MVB12B: variants seen among roughly 807,000 people sequenced by gnomAD.
MVB12B encodes the protein ESCRT-I complex subunit MVB12B.
A neutral mutation model predicts 41.6 loss-of-function variants in MVB12B; 16 were observed. The ratio of observed to expected loss-of-function variants is 0.38; its 90% confidence interval spans 0.26 to 0.58. The LOEUF (loss-of-function observed/expected upper bound fraction) is 0.58, where lower values mean the gene tolerates loss of function less well. Ranked by LOEUF, MVB12B falls within the 20% of genes least tolerant of loss-of-function variation. The pLI is 0.62. For synonymous variants in MVB12B, 133 were observed against 139.7 expected (o/e 0.95, Z 0.34); for missense variants, 274 against 380.2 (o/e 0.72, Z 2.32).
intron 2 of MVB12B, among the ~76,000 whole-genome samples, chr9:126,342,500 A>G (rs1387111998): frequency 6.6e-6 from 1 of 152,194 alleles, no homozygotes; most frequent in African/African-American, 2.4e-5. Context: ...GTGTCAAATG[A>G]GTAAAATTAA....
intron 7 of MVB12B, among the ~76,000 whole-genome samples, chr9:126,437,504 A>G (rs1289997499): frequency 3.3e-5 from 5 of 152,324 alleles, no homozygotes; most frequent in Non-Finnish European, 2.9e-5. Flanking sequence ...TAATACCCCC[A>G]TAATATTATA....
At chr9:126,446,363 A>G (rs1456229497) in intron 7 of MVB12B, among the ~76,000 whole-genome samples, 1 of 151,960 alleles carries the variant, frequency 6.6e-6, no homozygotes, top group Non-Finnish European at 1.5e-5. Flanking sequence ...AGCCACTGCT[A>G]TTTAAGTTAG....
At chr9:126,456,137 C>T (rs1832981498) in intron 7 of MVB12B, among the ~76,000 whole-genome samples, 1 of 152,040 alleles carries the variant, frequency 6.6e-6, no homozygotes, top group South Asian at 2.1e-4. Flanking sequence ...GTGATCCGCC[C>T]ACCTTGGCCT....
At chr9:126,438,301 A>G (rs752336300) in intron 7 of MVB12B, among the ~76,000 whole-genome samples, 4 of 152,202 alleles carry the variant, frequency 2.6e-5, no homozygotes, top group Non-Finnish European at 5.9e-5. Flanking sequence ...TTCTATTAAC[A>G]GAGGTGTCAC....
intron 8 of MVB12B, among the ~76,000 whole-genome samples, chr9:126,483,598 C>G (rs1833572065): frequency 6.6e-6 from 1 of 152,180 alleles, no homozygotes; most frequent in African/African-American, 2.4e-5. Flanking sequence ...CGGTTTATAG[C>G]TGCAGCGAGA....
At chr9:126,348,576 A>G (rs928115328) in intron 2 of MVB12B, among the ~76,000 whole-genome samples, 18 of 152,198 alleles carry the variant, frequency 1.2e-4, no homozygotes, top group African/African-American at 4.3e-4. Context: ...TAGTTGATTC[A>G]TTTGGAAAGT....
chr9:126,330,330 C>T (rs572780737), intron 1 of MVB12B, among the ~76,000 whole-genome samples: 2 of 150,420 alleles, frequency 1.3e-5, no homozygotes, highest in African/African-American at 2.5e-5. Context: ...CACACATACA[C>T]ACACACTTAA....
At chr9:126,352,150 G>GA (rs1324119711) in intron 2 of MVB12B, among the ~76,000 whole-genome samples, 1 of 151,904 alleles carries the variant, frequency 6.6e-6, no homozygotes, top group Non-Finnish European at 1.5e-5. Context: ...GAAAAAGAAA[G>GA]AAAAAAATGT....
intron 7 of MVB12B, among the ~76,000 whole-genome samples, chr9:126,474,773 G>C (rs913539314): frequency 3.9e-5 from 6 of 152,188 alleles, no homozygotes; most frequent in African/African-American, 1.4e-4. Flanking sequence ...AACAGAAATG[G>C]ACAGGATTGT....
chr9:126,353,588 G>C (rs970320400), intron 2 of MVB12B, among the ~76,000 whole-genome samples: 1 of 152,222 alleles, frequency 6.6e-6, no homozygotes, highest in African/African-American at 2.4e-5. Context: ...GTGACTGGCA[G>C]TAGCGTGAGT....
At chr9:126,484,173 G>T in intron 9 of MVB12B, 141 bp downstream of exon 9, 2 of 705,940 alleles carry the variant, frequency 2.8e-6, no homozygotes, top group African/African-American at 3.6e-5. Context: ...AAACACTTTC[G>T]TTGCACCCAA....
intron 7 of MVB12B, among the ~76,000 whole-genome samples, chr9:126,445,796 CTGT>C (rs1204672679): frequency 6.6e-6 from 1 of 152,036 alleles, no homozygotes; most frequent in Non-Finnish European, 1.5e-5. Flanking sequence ...CCACCTGGCC[CTGT>C]TGTTTTTTTT....
intron 7 of MVB12B, among the ~76,000 whole-genome samples, chr9:126,452,078 C>T (rs1280740388): frequency 1.3e-5 from 2 of 152,226 alleles, no homozygotes; most frequent in Non-Finnish European, 2.9e-5. Flanking sequence ...GGCAGGGGAT[C>T]CTTGTGTCAG....
chr9:126,438,779 A>G (rs1264768413), intron 7 of MVB12B, among the ~76,000 whole-genome samples: 1 of 152,238 alleles, frequency 6.6e-6, no homozygotes, highest in Non-Finnish European at 1.5e-5. Flanking sequence ...TATTTTAAAT[A>G]TAGCAGTAAA....
intron 7 of MVB12B, among the ~76,000 whole-genome samples, chr9:126,456,851 T>G (rs1832994057): frequency 1.2e-5 from 1 of 80,682 alleles, no homozygotes; most frequent in African/African-American, 4.7e-5. Context: ...GCGCCCCTGT[T>G]TAACTTCAGT....
At chr9:126,345,945 C>A (rs911542563) in intron 2 of MVB12B, among the ~76,000 whole-genome samples, 4 of 152,156 alleles carry the variant, frequency 2.6e-5, no homozygotes, top group African/African-American at 9.7e-5. Flanking sequence ...GTTTATTGGC[C>A]ACTTAGCTAT....
intron 8 of MVB12B, among the ~76,000 whole-genome samples, chr9:126,481,902 T>C (rs983523051): frequency 3.3e-5 from 5 of 152,246 alleles, no homozygotes; most frequent in Non-Finnish European, 7.3e-5. Context: ...GTTTTCCCAT[T>C]GTCATAGCTG....
At position 126,340,285 on chromosome 9, in the gene MVB12B, T is replaced by C. The variant is rs1399368362; in HGVS notation, c.82-223T>C. On this transcript the variant is annotated intron_variant, in intron 1 of 9. Transcript: ENST00000361171. This position sits in a 1 kb window ranked among gnomAD's most constrained non-coding sequence, Gnocchi z 4.0. Reference sequence around the variant, plus strand: ...CTGAGAGTAGAGACAAGCTCTCATCTTAGCTCAGTGTTCAAAGCTAACCTG... The same window carrying C: ...CTGAGAGTAGAGACAAGCTCTCATCCTAGCTCAGTGTTCAAAGCTAACCTG... Among the ~76,000 whole-genome samples, 2 of 152,166 alleles carry C rather than the reference T, an allele frequency of 1.3e-5. No homozygotes were observed. The highest frequency in any genetic ancestry group is 2.9e-5 in the Non-Finnish European group (2 of 68,024).
intron 7 of MVB12B, among the ~76,000 whole-genome samples, chr9:126,430,576 C>T (rs952584777): frequency 1.4e-5 from 2 of 145,162 alleles, no homozygotes; most frequent in African/African-American, 2.5e-5. Flanking sequence ...AGGCTCCCCT[C>T]TTTTTTTTTT....
Sources: gnomAD v4.1 joint callset for allele counts (sites outside exome capture counted in the v4.1 genomes callset) on GRCh38, gnomAD v4.1.1 for gene constraint, Gnocchi (gnomAD v3.1) non-coding constraint, MANE v1.5 for transcripts, NCBI Gene and HGNC (gene_info 2026-07-23, HGNC 2026-07-21) for gene names.